TMEM182: variants seen among roughly 807,000 people sequenced by gnomAD.
The protein encoded by TMEM182 is transmembrane protein 182.
A neutral mutation model predicts 26.8 loss-of-function variants in TMEM182; 20 were observed. The ratio of observed to expected loss-of-function variants is 0.75; its 90% confidence interval spans 0.53 to 1.09. The LOEUF (loss-of-function observed/expected upper bound fraction) is 1.09, where lower values mean the gene tolerates loss of function less well. TMEM182 is among the 50% of genes least tolerant of loss of function. The probability of loss-of-function intolerance (pLI) is 0.00; values close to 1 mark genes in which losing one functional copy is unlikely to be tolerated. For synonymous variants in TMEM182, 109 were observed against 102.2 expected (o/e 1.07, Z -0.40); for missense variants, 277 against 275.5 (o/e 1.01, Z -0.04).
At chr2:102,802,629 C>T (rs1682191832) in intron 4 of TMEM182, among the ~76,000 whole-genome samples, 1 of 152,164 alleles carries the variant, frequency 6.6e-6, no homozygotes, top group South Asian at 2.1e-4. Flanking sequence ...AGGAAAGACG[C>T]AGGAAGTGTT....
At chr2:102,760,191 G>A (rs937844394), upstream of TMEM182, among the ~76,000 whole-genome samples, 4 of 152,292 alleles carry the variant, frequency 2.6e-5, no homozygotes, top group East Asian at 1.9e-4. Flanking sequence ...ATCTCAAGGC[G>A]TTTAAAGGAA....
At chr2:102,768,731 G>A (rs1680561680) in intron 3 of TMEM182, among the ~76,000 whole-genome samples, 1 of 151,798 alleles carries the variant, frequency 6.6e-6, no homozygotes, top group African/African-American at 2.4e-5. Flanking sequence ...CGTGCTTTTT[G>A]TAATTTTTGG....
At chr2:102,820,646 C>T (rs942100600), downstream of TMEM182, among the ~76,000 whole-genome samples, 1 of 152,196 alleles carries the variant, frequency 6.6e-6, no homozygotes, top group Non-Finnish European at 1.5e-5. Flanking sequence ...GAGAAGGGAG[C>T]AAGTGGAAGA....
At chr2:102,797,795 A>T in intron 3 of TMEM182, 68 bp from the exon 4 acceptor site, 1 of 1,531,950 alleles carries the variant, frequency 6.5e-7, no homozygotes, top group Non-Finnish European at 8.7e-7. Flanking sequence ...ACTGACTGTG[A>T]CAATCTGCTG....
In TMEM182 at chr2:102,832,349, A is replaced by G. The variant is rs1683169293; in HGVS notation, c.326-11063A>G. 1.3e-5 allele frequency among the ~76,000 whole-genome samples: 2 copies of G among 152,250 alleles called. 1 individual carries two copies. The highest frequency in any genetic ancestry group is 3.8e-4 in the East Asian group (2 of 5,196). On this transcript the variant is annotated intron_variant, in intron 3 of 3. Coordinates refer to the TMEM182 transcript ENST00000486293. ...GATTGTAAATCAACACATACATCAC[A>G]GTCATTTCACAATTCTCATCGAAAA...
chr2:102,773,148 T>G (rs1168753893), intron 3 of TMEM182, among the ~76,000 whole-genome samples: 1 of 152,110 alleles, frequency 6.6e-6, no homozygotes, highest in Non-Finnish European at 1.5e-5. Flanking sequence ...AAATATTTTT[T>G]GAGCACATAC....
Position 102,815,161 on chromosome 2 carries a change from C to G in TMEM182, c.*193C>G. ...TCTCCAGACACCAGCAAGCCTCTAT[C>G]TTGTCTAAGTGCTGTCAAGGACCTA... On this transcript the variant is annotated 3_prime_UTR_variant, in exon 5 of 5. Coordinates refer to ENST00000412401, the MANE Select transcript of TMEM182 (RefSeq NM_144632.5). 7.1e-7 allele frequency: 1 copy of G among 1,407,652 alleles called. No homozygotes were observed. Among genetic ancestry groups the G allele is most frequent in the South Asian group, 1.6e-5 (1 of 64,396 alleles). 87.2% of individuals were successfully genotyped at this position (1,407,652 alleles called of 1,614,324 possible). A position where few individuals can be genotyped will look rare whatever the true frequency, so the allele number is the denominator to read the frequency against.
chr2:102,760,237 T>G (rs1680165858), upstream of TMEM182, among the ~76,000 whole-genome samples: 1 of 152,118 alleles, frequency 6.6e-6, no homozygotes, highest in Admixed American at 6.5e-5. Flanking sequence ...AGCTTAGACC[T>G]CTATATAGGG....
chr2:102,809,831 G>A (rs193127090), intron 4 of TMEM182, among the ~76,000 whole-genome samples: 3 of 152,304 alleles, frequency 2.0e-5, no homozygotes, highest in Admixed American at 6.5e-5. Flanking sequence ...GAAAAAGGAC[G>A]ATTTTGTTTT....
intron 3 of TMEM182, among the ~76,000 whole-genome samples, chr2:102,792,414 TAAGCAGAG>T (rs927810913): frequency 6.6e-6 from 1 of 152,220 alleles, no homozygotes; most frequent in African/African-American, 2.4e-5. Flanking sequence ...ACACAATTAA[TAAGCAGAG>T]AAGCTCCCAT....
At chr2:102,762,816 G>A in intron 2 of TMEM182, 130 bp downstream of exon 2, 1 of 651,896 alleles carries the variant, frequency 1.5e-6, no homozygotes, top group Non-Finnish European at 2.5e-6. Context: ...TCTTTAAAAG[G>A]TTCATCATGT....
Position 102,817,610 on chromosome 2 carries a change from T to C in TMEM182, c.*2642T>C. 1 of 978,306 alleles carries C rather than the reference T, an allele frequency of 1.0e-6. No individual in the cohort carries two copies. Among genetic ancestry groups the C allele is most frequent in the South Asian group, 4.7e-5 (1 of 21,134 alleles). 60.6% of individuals were successfully genotyped at this position (978,306 alleles called of 1,614,324 possible). ...GTTAGTATTCATTTAGTCATTTTTA[T>C]TACTAATCTATAAATATATTTATTA... On this transcript the variant is annotated 3_prime_UTR_variant, in exon 5 of 5. Transcript: ENST00000412401.
intron 3 of TMEM182, among the ~76,000 whole-genome samples, chr2:102,788,255 G>C (rs1681480610): frequency 6.6e-6 from 1 of 152,252 alleles, no homozygotes; most frequent in Non-Finnish European, 1.5e-5. Flanking sequence ...CATTCAGCTG[G>C]TCTGGTTTGG....
chr2:102,825,396 A>C (rs72829957), intron 3 of TMEM182, among the ~76,000 whole-genome samples: 29,719 of 152,258 alleles, frequency 0.2, 3,841 homozygotes, highest in Middle Eastern at 0.28. Context: ...AAAGTTTCCT[A>C]AACTTAGTTT....
chr2:102,837,232 T>TG (rs138015209), intron 3 of TMEM182, among the ~76,000 whole-genome samples: 2,215 of 152,270 alleles, frequency 0.015, 68 homozygotes, highest in African/African-American at 0.05. Context: ...GTGAAGTTTG[T>TG]GGGTTTTTTT....
At chr2:102,809,688 C>T (rs1342464792) in intron 4 of TMEM182, among the ~76,000 whole-genome samples, 2 of 152,204 alleles carry the variant, frequency 1.3e-5, no homozygotes, top group African/African-American at 4.8e-5. Flanking sequence ...CATTTCCATC[C>T]TCTGTTGAAA....
At chr2:102,744,890 TTTGGGCATTAATCCTAC>T (rs749396591) in intron 1 of TMEM182, among the ~76,000 whole-genome samples, 4 of 152,154 alleles carry the variant, frequency 2.6e-5, no homozygotes, top group Non-Finnish European at 5.9e-5. Flanking sequence ...TTGTTTTCTA[TTTGGGCATTAATCCTAC>T]TTGGTATTCT....
intron 1 of TMEM182, among the ~76,000 whole-genome samples, chr2:102,741,914 C>T (rs1679556323): frequency 6.6e-6 from 1 of 152,112 alleles, no homozygotes; most frequent in African/African-American, 2.4e-5. Context: ...AACATGAAAC[C>T]TCATACAAAA....
chr2:102,791,388 G>T (rs1681629719), intron 3 of TMEM182, among the ~76,000 whole-genome samples: 2 of 152,208 alleles, frequency 1.3e-5, no homozygotes, highest in African/African-American at 2.4e-5. Context: ...ATGATTTTCA[G>T]TCTAGATCTA....
Sources: gnomAD v4.1 joint callset for allele counts (sites outside exome capture counted in the v4.1 genomes callset) on GRCh38, gnomAD v4.1.1 for gene constraint, MANE v1.5 for transcripts, NCBI Gene and HGNC (gene_info 2026-07-23, HGNC 2026-07-21) for gene names.